The following RBBP6 variants were observed in gnomAD, a reference collection of about 807,000 sequenced individuals.
RBBP6 encodes the protein E3 ubiquitin-protein ligase RBBP6.
A neutral mutation model predicts 167.7 loss-of-function variants in RBBP6; 25 were observed. The observed-to-expected ratio is 0.15, with a 90% CI of 0.11 to 0.21. The LOEUF is 0.21. RBBP6 is among the 10% of genes least tolerant of loss of function. The pLI is 1.00. For missense variants in RBBP6, 1,868 were observed against 2,134.2 expected, an observed-to-expected ratio of 0.88 and a Z score of 2.46; for synonymous variants, 789 against 735.8, an observed-to-expected ratio of 1.07 and a Z score of -1.17.
At chr16:24,564,632 A>T (rs1026353629) in intron 13 of RBBP6, among the ~76,000 whole-genome samples, 165 bp from the exon 14 acceptor site, 10 of 152,254 alleles carry the variant, frequency 6.6e-5, no homozygotes, top group African/African-American at 2.2e-4. Flanking sequence ...TTTTAAGTAA[A>T]TATAATATTT....
At chr16:24,554,738 G>A (rs1051944511) in intron 4 of RBBP6, 1 of 149,924 alleles carries the variant, frequency 6.7e-6, no homozygotes, top group African/African-American at 2.4e-5. Context: ...TCTTTGTGGG[G>A]AGGAGTTGGG....
At chr16:24,542,800 T>A (rs1024042619) in intron 1 of RBBP6, among the ~76,000 whole-genome samples, 1 of 152,188 alleles carries the variant, frequency 6.6e-6, no homozygotes, top group African/African-American at 2.4e-5. Context: ...GTCCGGAAAT[T>A]TAAGAGTTTT....
In RBBP6 at chr16:24,569,679, A is replaced by C. The variant is rs1052991909; in HGVS notation, c.2989A>C (p.Thr997Pro). 3.1e-6 allele frequency: 5 copies of C among 1,613,808 alleles called. No individual in the cohort carries two copies. Among genetic ancestry groups the C allele is most frequent in the Admixed American group, 1.7e-5 (1 of 59,950 alleles). Residue 997 changes from threonine (T) to proline (P), a missense_variant, in exon 17 of 18, where the codon ACT (threonine) becomes CCT (proline). Coordinates refer to ENST00000319715, the MANE Select transcript of RBBP6 (RefSeq NM_006910.5). ...TGAACCAATGGATGCAGAATCAATCACTTTTAAATCAGTGTCTGAAAAAGA... is the reference window on the plus strand; with the variant it reads ...TGAACCAATGGATGCAGAATCAATCCCTTTTAAATCAGTGTCTGAAAAAGA... Reference protein sequence around the residue: ...RDEPMDAESITFKSVSEKDKR... With the variant: ...RDEPMDAESIPFKSVSEKDKR...
At position 24,572,120 on chromosome 16, in the gene RBBP6, T is replaced by A. The variant is rs1047844409; in HGVS notation, c.5054T>A (p.Val1685Glu). ...CTGGACACAGCAGCAGTTGTCCAGGTGGGCATAAGCAGGAATCAGAGCCAC... is the reference window on the plus strand; with the variant it reads ...CTGGACACAGCAGCAGTTGTCCAGGAGGGCATAAGCAGGAATCAGAGCCAC... ...ESLDTAAVVQVGISRNQSHSS... is the reference protein window; with the variant it reads ...ESLDTAAVVQEGISRNQSHSS... The change falls in exon 18 of 18, where the codon GTG becomes GAG. Residue 1685 changes from valine to glutamate, a missense_variant. This residue lies in a region of RBBP6 where 591 missense variants were observed against 540.5 expected (regional missense o/e 1.09). Coordinates refer to ENST00000319715, the MANE Select transcript of RBBP6 (RefSeq NM_006910.5). 6.8e-6 allele frequency: 11 copies of A among 1,613,854 alleles called. No homozygotes were observed. The highest frequency in any genetic ancestry group is 9.3e-6 in the Non-Finnish European group (11 of 1,180,006).
chr16:24,541,967 A>G (rs1032439131), intron 1 of RBBP6, among the ~76,000 whole-genome samples: 11 of 152,234 alleles, frequency 7.2e-5, no homozygotes, highest in African/African-American at 2.4e-4. Context: ...TCCATTTACA[A>G]TGCAGACCTA....
intron 8 of RBBP6, among the ~76,000 whole-genome samples, chr16:24,560,111 G>GTTT (rs1555472777): frequency 2.2e-4 from 16 of 74,002 alleles, no homozygotes; most frequent in Non-Finnish European, 2.8e-4. Context: ...GACAGTTTTT[G>GTTT]TTTTTTTTTT....
At chr16:24,541,208 A>AC (rs1898486996) in intron 1 of RBBP6, among the ~76,000 whole-genome samples, 1 of 150,026 alleles carries the variant, frequency 6.7e-6, no homozygotes, top group East Asian at 1.9e-4. Context: ...AAAAAACCAA[A>AC]AAAACAATTT....
chr16:24,548,317 G>GTTTTT (rs67923848), intron 2 of RBBP6, among the ~76,000 whole-genome samples: 2 of 143,652 alleles, frequency 1.4e-5, no homozygotes, highest in Non-Finnish European at 3.0e-5. Context: ...TTTTTGTTCA[G>GTTTTT]TTTTTTTTTT....
intron 1 of RBBP6, among the ~76,000 whole-genome samples, chr16:24,545,794 A>G (rs1898630587): frequency 6.6e-6 from 1 of 152,250 alleles, no homozygotes; most frequent in Non-Finnish European, 1.5e-5. Flanking sequence ...AGGGATTGTA[A>G]TACTCAACTA....
Position 24,561,938 on chromosome 16 carries a change from C to T in RBBP6, c.1066C>T (p.Pro356Ser), listed in dbSNP as rs1899069024. 6.2e-7 allele frequency: 1 copy of T among 1,613,612 alleles called. No homozygotes were observed. The highest frequency in any genetic ancestry group is 8.5e-7 in the Non-Finnish European group (1 of 1,179,720). ...PRPLIQRNLQPLMRSPISRQQ... is the reference protein window; with the variant it reads ...PRPLIQRNLQSLMRSPISRQQ... ...ACCACTGATTCAGAGGAACCTACAA[C>T]CTCTGATGAGATCTCCGATATCAAG... is the stretch of plus-strand genomic sequence containing the variant. The change falls in exon 10 of 18, where the codon CCT becomes TCT. Residue 356 changes from proline to serine, a missense_variant. Transcript: ENST00000319715.
Position 24,570,079 on chromosome 16 carries a change from C to T in RBBP6, c.3389C>T (p.Ala1130Val). 1 of 1,605,544 alleles carries T rather than the reference C, an allele frequency of 6.2e-7. No individual in the cohort carries two copies. The highest frequency in any genetic ancestry group is 8.5e-7 in the Non-Finnish European group (1 of 1,178,046). ...SEKLTTKEEK[A>V]KKPNEKNKPL... ...AAGCTAACAACTAAGGAAGAAAAGG[C>T]CAAGAAGCCTAATGAGAAAAACAAA... Residue 1130 changes from alanine to valine, a missense_variant, in exon 17 of 18, where the codon GCC becomes GTC. Physicochemically the swap from Ala to Val is moderately conservative, Grantham distance 64 (BLOSUM62 0). Around this residue, in one of 7 missense-constraint regions of RBBP6, gnomAD observed 673 missense variants for 691.5 expected, o/e 0.97. Transcript: ENST00000319715.
chr16:24,552,399 C>T (rs1408376386), intron 3 of RBBP6, among the ~76,000 whole-genome samples: 1 of 151,712 alleles, frequency 6.6e-6, no homozygotes, highest in Non-Finnish European at 1.5e-5. Flanking sequence ...ATCCAGACAT[C>T]TTGTTACATT....
chr16:24,561,318 T>C (rs961336265), intron 8 of RBBP6, among the ~76,000 whole-genome samples: 5 of 151,890 alleles, frequency 3.3e-5, no homozygotes, highest in African/African-American at 1.2e-4. Context: ...CTTGAACTTC[T>C]AGGCTCAAGT....
chr16:24,565,660 C>T (rs1285794835), intron 14 of RBBP6, among the ~76,000 whole-genome samples: 6 of 152,188 alleles, frequency 3.9e-5, no homozygotes, highest in African/African-American at 1.4e-4. Context: ...CCCCCTGCCC[C>T]CGTCCATGGA....
intron 5 of RBBP6, 47 bp from the exon 6 acceptor site, chr16:24,555,774 T>G: frequency 6.3e-7 from 1 of 1,586,640 alleles, no homozygotes; most frequent in Non-Finnish European, 8.7e-7. Context: ...AAAAGCACTA[T>G]TTTTTCAAAG....
chr16:24,562,174 G>A lies in RBBP6; in HGVS notation c.1289+13G>A, dbSNP rs2141471991. The A allele has an allele frequency of 6.3e-7, 1 of 1,577,096 alleles. No individual in the cohort carries two copies. Among genetic ancestry groups the A allele is most frequent in the Middle Eastern group, 1.7e-4 (1 of 6,002 alleles). Reference sequence around the variant, plus strand: ...ATGGACCTTTTCGGTAAGCCTGTGTGTTTTTCACTGTTAGAAACCAAATGA... The same window carrying A: ...ATGGACCTTTTCGGTAAGCCTGTGTATTTTTCACTGTTAGAAACCAAATGA... On this transcript the variant is annotated intron_variant, in intron 10 of 17. Transcript: ENST00000319715.
intron 1 of RBBP6, 82 bp downstream of exon 1, chr16:24,540,874 A>T (rs894029076): frequency 2.0e-6 from 3 of 1,506,166 alleles, no homozygotes; most frequent in Non-Finnish European, 2.7e-6. Context: ...GCTAACCGCC[A>T]TTATGTCTCT....
At chr16:24,565,554 A>G (rs2141475154) in intron 14 of RBBP6, among the ~76,000 whole-genome samples, 1 of 152,352 alleles carries the variant, frequency 6.6e-6, no homozygotes, top group Non-Finnish European at 1.5e-5. Context: ...TCATAGGAGC[A>G]TGAACCCTGT....
In RBBP6 at chr16:24,559,610, C is replaced by T. The variant is rs893384211; in HGVS notation, c.780C>T (p.Leu260=). Residue 260 remains leucine (L), a synonymous_variant, in exon 8 of 18, where the codon CTC becomes CTT. Coordinates refer to ENST00000319715, the MANE Select transcript of RBBP6 (RefSeq NM_006910.5). ...CTATCCCAGATGAATTGTTGTGTCT[C>T]ATCTGCAAGGATATTATGACTGATG... The part of the protein sequence containing the change: ...DDPIPDELLC[L]ICKDIMTDAV... The T allele has an allele frequency of 6.2e-7, 1 of 1,605,168 alleles. No individual in the cohort carries two copies. Among genetic ancestry groups the T allele is most frequent in the East Asian group, 2.3e-5 (1 of 44,412 alleles).
Sources: gnomAD v4.1 joint callset for allele counts (sites outside exome capture counted in the v4.1 genomes callset) on GRCh38, gnomAD v4.1.1 for gene constraint, gnomAD v4.1.1 regional missense constraint, MANE v1.5 for transcripts, NCBI Gene and HGNC (gene_info 2026-07-23, HGNC 2026-07-21) for gene names.